Variants in PEBP4 observed in about 807,000 individuals in gnomAD.
PEBP4 encodes the protein phosphatidylethanolamine-binding protein 4.
PEBP4 carries 22 observed loss-of-function variants against 23.9 expected under a neutral mutation model. That is an observed-to-expected ratio of 0.92 (90% CI 0.66 to 1.31). The LOEUF (loss-of-function observed/expected upper bound fraction) is 1.31. Ranked by LOEUF, PEBP4 falls within the 40% of genes most tolerant of loss-of-function variation. PEBP4 has a pLI of 0.00. For missense variants in PEBP4, 324 were observed against 281.7 expected, an observed-to-expected ratio of 1.15 and a Z score of -1.07; for synonymous variants, 112 against 99.3, an observed-to-expected ratio of 1.13 and a Z score of -0.76.
chr8:22,848,479 TTGTGTGTGTGCA>T (rs1292735636), intron 3 of PEBP4, among the ~76,000 whole-genome samples: 3 of 49,976 alleles, frequency 6.0e-5, no homozygotes, highest in Non-Finnish European at 1.0e-4. Flanking sequence ...GAAGGGGAAG[TTGTGTGTGTGCA>T]TGTGTGTGTG....
At chr8:22,837,334 C>T (rs994315838) in intron 3 of PEBP4, among the ~76,000 whole-genome samples, 1 of 152,196 alleles carries the variant, frequency 6.6e-6, no homozygotes, top group South Asian at 2.1e-4. Context: ...AAAGAAAAAT[C>T]AGGCCGTGAC....
intron 3 of PEBP4, among the ~76,000 whole-genome samples, chr8:22,850,136 C>T (rs1019704976): frequency 1.3e-5 from 2 of 151,466 alleles, no homozygotes; most frequent in Admixed American, 6.6e-5. Context: ...AAATCCGTGG[C>T]TTAGAAGAAA....
chr8:22,787,127 G>A (rs907668756), intron 4 of PEBP4, among the ~76,000 whole-genome samples: 2 of 152,188 alleles, frequency 1.3e-5, no homozygotes, highest in Non-Finnish European at 2.9e-5. Flanking sequence ...CCCAGCTAAG[G>A]GCTGGTCCCT....
At chr8:22,879,223 T>C (rs1370436024) in intron 3 of PEBP4, 2 of 152,222 alleles carry the variant, frequency 1.3e-5, no homozygotes, top group African/African-American at 4.8e-5. Flanking sequence ...ACGCTCTCAA[T>C]GTTGACAGAA....
At chr8:22,933,929 G>T (rs1298166158) in intron 1 of PEBP4, among the ~76,000 whole-genome samples, 1 of 152,212 alleles carries the variant, frequency 6.6e-6, no homozygotes. Flanking sequence ...TGGGCATCTG[G>T]TAAAAGCCTC....
At chr8:22,796,964 A>G (rs1422739460) in intron 4 of PEBP4, among the ~76,000 whole-genome samples, 1 of 152,036 alleles carries the variant, frequency 6.6e-6, no homozygotes, top group Non-Finnish European at 1.5e-5. Context: ...TAAAAAAAAA[A>G]AAACAAATTG....
intron 4 of PEBP4, among the ~76,000 whole-genome samples, chr8:22,789,886 G>A (rs1806102047): frequency 6.6e-6 from 1 of 152,226 alleles, no homozygotes; most frequent in South Asian, 2.1e-4. Flanking sequence ...AGGTGCAACG[G>A]GCAGATGCCC....
intron 4 of PEBP4, among the ~76,000 whole-genome samples, chr8:22,802,789 C>T (rs569939515): frequency 1.9e-4 from 29 of 152,222 alleles, no homozygotes; most frequent in African/African-American, 5.5e-4. Flanking sequence ...GTGTGTTGTG[C>T]GTACGAACAT....
At chr8:22,869,424 A>T (rs1339524002) in intron 3 of PEBP4, among the ~76,000 whole-genome samples, 1 of 152,214 alleles carries the variant, frequency 6.6e-6, no homozygotes, top group Non-Finnish European at 1.5e-5. Flanking sequence ...ATGCGTCCTC[A>T]GGACTTAGTG....
intron 4 of PEBP4, among the ~76,000 whole-genome samples, chr8:22,812,288 A>T (rs913315841): frequency 3.9e-5 from 6 of 152,152 alleles, no homozygotes; most frequent in African/African-American, 1.4e-4. Flanking sequence ...TGGATTTCCC[A>T]TTATCTTATT....
chr8:22,840,455 G>T (rs1188842108), intron 3 of PEBP4, among the ~76,000 whole-genome samples: 3 of 149,992 alleles, frequency 2.0e-5, no homozygotes, highest in Non-Finnish European at 4.4e-5. Flanking sequence ...TGCCTGGGCT[G>T]GTCTGCAACT....
chr8:22,733,999 T>C (rs993071858), intron 4 of PEBP4, among the ~76,000 whole-genome samples: 3 of 151,880 alleles, frequency 2.0e-5, no homozygotes, highest in Admixed American at 6.6e-5. Flanking sequence ...AAAGGGAAAA[T>C]GAAAACAGAG....
At chr8:22,914,999 T>C (rs1449492821) in intron 3 of PEBP4, among the ~76,000 whole-genome samples, 2 of 152,146 alleles carry the variant, frequency 1.3e-5, no homozygotes, top group African/African-American at 4.8e-5. Flanking sequence ...TGAGAAATTA[T>C]ATACTCAACC....
At chr8:22,940,061 T>C (rs6420147) in intron 1 of PEBP4, among the ~76,000 whole-genome samples, 125,014 of 152,150 alleles carry the variant, frequency 0.82, 51,542 homozygotes, top group African/African-American at 0.88. Flanking sequence ...AAAGGTTGAA[T>C]GTTTTGTCCA....
chr8:22,903,950 T>C (rs17088737), intron 3 of PEBP4, among the ~76,000 whole-genome samples: 23,399 of 152,230 alleles, frequency 0.15, 2,070 homozygotes, highest in East Asian at 0.23. Context: ...GACTTTTGCT[T>C]AGATGCCCAA....
intron 6 of PEBP4, among the ~76,000 whole-genome samples, chr8:22,715,690 C>T (rs1178135591): frequency 6.6e-6 from 1 of 152,220 alleles, no homozygotes; most frequent in African/African-American, 2.4e-5. Flanking sequence ...AGTCCCAAGT[C>T]GACAGCCCTG....
chr8:22,750,421 C>T (rs556559070), intron 4 of PEBP4, among the ~76,000 whole-genome samples: 1 of 152,200 alleles, frequency 6.6e-6, no homozygotes, highest in Admixed American at 6.5e-5. Context: ...CTTTATGATA[C>T]ATTAATGCTT....
upstream of PEBP4, among the ~76,000 whole-genome samples, chr8:22,930,001 C>A (rs1294949990): frequency 6.6e-6 from 1 of 152,250 alleles, no homozygotes; most frequent in African/African-American, 2.4e-5. Context: ...CCGCGCCCAG[C>A]CCAGAGTCCA....
chr8:22,790,853 A>T (rs1806123099), intron 4 of PEBP4, among the ~76,000 whole-genome samples: 1 of 152,228 alleles, frequency 6.6e-6, no homozygotes. Flanking sequence ...GATATTATGC[A>T]TCCAGGGTAC....
Sources: gnomAD v4.1 joint callset for allele counts (sites outside exome capture counted in the v4.1 genomes callset) on GRCh38, gnomAD v4.1.1 for gene constraint, MANE v1.5 for transcripts, NCBI Gene and HGNC (gene_info 2026-07-23, HGNC 2026-07-21) for gene names.